The following PGM5 variants were observed in gnomAD, a reference collection of about 807,000 sequenced individuals.
PGM5 encodes the protein phosphoglucomutase-like protein 5.
In PGM5, 23 loss-of-function variants were observed where a neutral mutation model predicts 59.2. The observed-to-expected ratio is 0.39, with a 90% confidence interval of 0.28 to 0.55. The LOEUF (loss-of-function observed/expected upper bound fraction) is 0.55. Among genes scored for constraint, PGM5 ranks in the 20% least tolerant of loss-of-function variants. The pLI, the probability that PGM5 is intolerant of heterozygous loss-of-function variation, is 0.66. For synonymous variants in PGM5, 214 were observed against 286.0 expected (o/e 0.75, Z 2.54); for missense variants, 574 against 748.3 (o/e 0.77, Z 2.72).
intron 3 of PGM5, 78 bp downstream of exon 3, chr9:68,384,622 C>A (rs1822168595): frequency 1.1e-6 from 1 of 899,864 alleles, no homozygotes; most frequent in Non-Finnish European, 1.7e-6. Flanking sequence ...GAAGTAAACT[C>A]ATGAAAATTA....
rs369796837 is a variant in PGM5 at position 68,417,850 on chromosome 9, C to T, written c.1043+25377C>T. 2.0e-5 allele frequency among the ~76,000 whole-genome samples: 3 copies of T among 149,992 alleles called. No individual in the cohort carries two copies. In the East Asian group the frequency reaches 5.8e-4, roughly 29 times the overall value. The stretch of plus-strand genomic sequence containing the variant: ...GCTTTCTAGCTCTGCCTCAGTTGGA[C>T]CATGTCTCTCCCCTGTCTCTGGTTT... On this transcript the variant is annotated intron_variant, in intron 6 of 10. Coordinates refer to ENST00000396396, the MANE Select transcript of PGM5 (RefSeq NM_021965.4).
At chr9:68,480,397 G>C (rs1310612301) in intron 8 of PGM5, among the ~76,000 whole-genome samples, 1 of 152,138 alleles carries the variant, frequency 6.6e-6, no homozygotes, top group Non-Finnish European at 1.5e-5. Context: ...TATTGTTAAA[G>C]TTTTGTCCTC....
intron 6 of PGM5, among the ~76,000 whole-genome samples, chr9:68,460,162 G>A (rs1488760154): frequency 6.6e-6 from 1 of 152,168 alleles, no homozygotes; most frequent in African/African-American, 2.4e-5. Context: ...CACTTGATAT[G>A]ATCAGTCTGT....
At chr9:68,465,043 A>G in intron 6 of PGM5, 50 bp from the exon 7 acceptor site, 1 of 1,250,622 alleles carries the variant, frequency 8.0e-7, no homozygotes, top group Non-Finnish European at 1.2e-6. Context: ...GAGAAAAAAA[A>G]ACAGAAAATG....
intron 10 of PGM5, among the ~76,000 whole-genome samples, chr9:68,510,420 G>A (rs1824731098): frequency 6.6e-6 from 1 of 151,982 alleles, no homozygotes; most frequent in Non-Finnish European, 1.5e-5. Flanking sequence ...CAAAGTGCTG[G>A]GATTACAGGC....
In PGM5 at chr9:68,411,375, G is replaced by T. The variant is rs141586355; in HGVS notation, c.1043+18902G>T. 2.8e-3 allele frequency among the ~76,000 whole-genome samples: 414 copies of T among 145,954 alleles called. 11 individuals carry two copies. In the East Asian group the frequency reaches 0.068, roughly 24 times the overall value. ...TACAGCGACCCTATCTCTTTAAAAAGTATATATAAATATATATATACACAC... is the reference window on the plus strand; with the variant it reads ...TACAGCGACCCTATCTCTTTAAAAATTATATATAAATATATATATACACAC... On this transcript the variant is annotated intron_variant, in intron 6 of 10. Coordinates refer to ENST00000396396, the MANE Select transcript of PGM5 (RefSeq NM_021965.4).
Position 68,356,999 on chromosome 9 carries a change from C to G in PGM5, c.-129C>G. ...CGGGCGGGTGCAGGGCGCAGGGCGC[C>G]GACCTGCTGGAGAGGGGGCCCGGGC... On this transcript the variant is annotated 5_prime_UTR_variant, in exon 1 of 11. Transcript: ENST00000396396. 1 of 1,018,318 alleles carries G rather than the reference C, an allele frequency of 9.8e-7. No individual in the cohort carries two copies. Among genetic ancestry groups the G allele is most frequent in the East Asian group, 3.3e-5 (1 of 30,632 alleles). 63.1% of individuals were successfully genotyped at this position (1,018,318 alleles called of 1,614,324 possible).
At chr9:68,466,849 G>T (rs1006592059) in intron 7 of PGM5, among the ~76,000 whole-genome samples, 1 of 152,132 alleles carries the variant, frequency 6.6e-6, no homozygotes, top group African/African-American at 2.4e-5. Flanking sequence ...TATCTCCAGG[G>T]TCTTAAACTT....
intron 6 of PGM5, among the ~76,000 whole-genome samples, chr9:68,401,901 G>A (rs1587794493): frequency 1.4e-5 from 2 of 141,666 alleles, no homozygotes; most frequent in Non-Finnish European, 3.0e-5. Flanking sequence ...GTGTGTGTGT[G>A]TGTGTGTGTG....
chr9:68,500,468 T>C (rs1824554401), intron 10 of PGM5, among the ~76,000 whole-genome samples: 2 of 151,982 alleles, frequency 1.3e-5, no homozygotes, highest in Non-Finnish European at 2.9e-5. Flanking sequence ...GGCTGAGAGC[T>C]ATTCTCAGGG....
rs575437746 is a variant in PGM5, at chr9:68,369,504, G to A, written c.262-8695G>A. On this transcript the variant is annotated intron_variant, in intron 1 of 10. Coordinates refer to ENST00000396396, the MANE Select transcript of PGM5 (RefSeq NM_021965.4). ...CAGACTGTATACCTTAAAGATTTCA[G>A]AGCACTTCCTATGTACTGAAATAGC... is the stretch of plus-strand genomic sequence containing the variant. Among the ~76,000 whole-genome samples the A allele has an allele frequency of 2.6e-5, 4 of 152,208 alleles. No individual in the cohort carries two copies. The East Asian group carries it at 5.8e-4, about 22-fold the overall frequency.
At chr9:68,475,672 G>T (rs1433542422) in intron 7 of PGM5, among the ~76,000 whole-genome samples, 3 of 152,028 alleles carry the variant, frequency 2.0e-5, no homozygotes, top group African/African-American at 7.2e-5. Flanking sequence ...AACTGGACTT[G>T]TACCTCCTGA....
chr9:68,426,823 G>A (rs1823247083), intron 6 of PGM5: 1 of 152,144 alleles, frequency 6.6e-6, no homozygotes, highest in African/African-American at 2.4e-5. Flanking sequence ...TACATTTGGT[G>A]GCCATATTTC....
At chr9:68,525,785 G>GCA (rs1824962495) in intron 10 of PGM5, among the ~76,000 whole-genome samples, 1 of 152,154 alleles carries the variant, frequency 6.6e-6, no homozygotes, top group Non-Finnish European at 1.5e-5. Flanking sequence ...TGCCGGGCGT[G>GCA]GTGGCTCACG....
intron 6 of PGM5, among the ~76,000 whole-genome samples, chr9:68,440,753 A>C (rs1823513012): frequency 6.6e-6 from 1 of 152,056 alleles, no homozygotes; most frequent in Non-Finnish European, 1.5e-5. Flanking sequence ...CTATGCTTCT[A>C]CTTTAATAAT....
intron 9 of PGM5, among the ~76,000 whole-genome samples, chr9:68,490,009 T>G (rs1824363837): frequency 1.3e-5 from 2 of 152,260 alleles, no homozygotes; most frequent in Non-Finnish European, 2.9e-5. Context: ...AAGCACACTT[T>G]GAAGACTGAT....
intron 6 of PGM5, among the ~76,000 whole-genome samples, chr9:68,454,362 C>T (rs1554684624): frequency 2.0e-5 from 3 of 152,204 alleles, no homozygotes; most frequent in African/African-American, 7.2e-5. Flanking sequence ...TCAAACTACT[C>T]AGTTTTGAGT....
intron 2 of PGM5, among the ~76,000 whole-genome samples, chr9:68,380,614 T>C (rs1489409373): frequency 6.6e-6 from 1 of 151,576 alleles, no homozygotes; most frequent in Non-Finnish European, 1.5e-5. Flanking sequence ...GCAAATAAAA[T>C]GTAGTATAGA....
At chr9:68,480,710 C>CAAAA (rs1564017126) in intron 8 of PGM5, among the ~76,000 whole-genome samples, 1 of 147,734 alleles carries the variant, frequency 6.8e-6, no homozygotes, top group Non-Finnish European at 1.5e-5. Context: ...AAAAAAAAAA[C>CAAAA]AAAACAAAAC....
Sources: gnomAD v4.1 joint callset for allele counts (sites outside exome capture counted in the v4.1 genomes callset) on GRCh38, gnomAD v4.1.1 for gene constraint, MANE v1.5 for transcripts, NCBI Gene and HGNC (gene_info 2026-07-23, HGNC 2026-07-21) for gene names.